Variants in ITFG1 observed in about 807,000 individuals in gnomAD.
ITFG1 encodes T-cell immunomodulatory protein.
A neutral mutation model predicts 81.8 loss-of-function variants in ITFG1; 34 were observed. The observed-to-expected ratio is 0.42, with a 90% CI of 0.32 to 0.55. ITFG1 has a LOEUF of 0.55. Among genes scored for constraint, ITFG1 ranks in the 20% least tolerant of loss-of-function variants. ITFG1 has a pLI of 0.17. For synonymous variants in ITFG1, 285 were observed against 270.6 expected (o/e 1.05, Z -0.52); for missense variants, 672 against 755.4 (o/e 0.89, Z 1.29).
At chr16:47,186,980 G>C (rs966502949) in intron 14 of ITFG1, among the ~76,000 whole-genome samples, 1 of 152,060 alleles carries the variant, frequency 6.6e-6, no homozygotes, top group Admixed American at 6.5e-5. Flanking sequence ...GACAAACAGA[G>C]AGCCAAATCA....
chr16:47,238,706 TAAAG>T, intron 12 of ITFG1, among the ~76,000 whole-genome samples: 1 of 152,286 alleles, frequency 6.6e-6, no homozygotes, highest in East Asian at 1.9e-4. Flanking sequence ...TGTTATAAGA[TAAAG>T]AAAGAGAGCT....
At chr16:47,412,016 T>C (rs978063744) in intron 6 of ITFG1, among the ~76,000 whole-genome samples, 1 of 152,128 alleles carries the variant, frequency 6.6e-6, no homozygotes, top group African/African-American at 2.4e-5. Context: ...GTACAGAGCT[T>C]TGGACCTCAG....
chr16:47,174,796 A>C (rs935387926), intron 14 of ITFG1, among the ~76,000 whole-genome samples: 8 of 152,226 alleles, frequency 5.3e-5, no homozygotes. Context: ...CTGGGATTAC[A>C]GGCATGAGCC....
chr16:47,294,370 ATGT>A (rs1282999809), intron 10 of ITFG1, among the ~76,000 whole-genome samples: 1 of 151,954 alleles, frequency 6.6e-6, no homozygotes, highest in Non-Finnish European at 1.5e-5. Flanking sequence ...AAATTTTAGG[ATGT>A]TTTTTCTAAT....
chr16:47,331,170 G>A (rs893943367), intron 8 of ITFG1, among the ~76,000 whole-genome samples: 1 of 152,094 alleles, frequency 6.6e-6, no homozygotes, highest in African/African-American at 2.4e-5. Context: ...CTGCAGCAGC[G>A]TAAATGCAGC....
At chr16:47,336,970 GAA>G (rs1445973725) in intron 8 of ITFG1, among the ~76,000 whole-genome samples, 3 of 99,708 alleles carry the variant, frequency 3.0e-5, no homozygotes, top group Non-Finnish European at 4.3e-5. Flanking sequence ...CTCAAAAAAA[GAA>G]AAAAAAAAAA....
At chr16:47,382,341 G>A (rs1270730772) in intron 6 of ITFG1, among the ~76,000 whole-genome samples, 2 of 152,150 alleles carry the variant, frequency 1.3e-5, no homozygotes, top group Non-Finnish European at 2.9e-5. Context: ...TATCAGAAAC[G>A]TGCTTGAATT....
At chr16:47,410,209 G>T (rs1968792353) in intron 6 of ITFG1, among the ~76,000 whole-genome samples, 1 of 152,134 alleles carries the variant, frequency 6.6e-6, no homozygotes, top group South Asian at 2.1e-4. Flanking sequence ...AGCCCAGGAG[G>T]TTGAGGCTCC....
intron 12 of ITFG1, among the ~76,000 whole-genome samples, chr16:47,254,196 T>C (rs537315861): frequency 6.6e-6 from 1 of 152,118 alleles, no homozygotes; most frequent in Non-Finnish European, 1.5e-5. Context: ...TTTTGAGATT[T>C]TCCCCATCTC....
intron 10 of ITFG1, among the ~76,000 whole-genome samples, chr16:47,277,124 C>T (rs1966405790): frequency 6.6e-6 from 1 of 152,152 alleles, no homozygotes; most frequent in Non-Finnish European, 1.5e-5. Context: ...GTTATCATTA[C>T]TATTGTGGCA....
chr16:47,269,221 C>A (rs1271855408), intron 10 of ITFG1, among the ~76,000 whole-genome samples: 1 of 152,084 alleles, frequency 6.6e-6, no homozygotes, highest in Non-Finnish European at 1.5e-5. Flanking sequence ...GTAAAACTGT[C>A]TTTATTTGCA....
At chr16:47,339,575 A>T (rs1967753514) in intron 8 of ITFG1, among the ~76,000 whole-genome samples, 1 of 152,340 alleles carries the variant, frequency 6.6e-6, no homozygotes, top group South Asian at 2.1e-4. Flanking sequence ...GTATAACTGA[A>T]ATATAAAGTT....
At chr16:47,285,107 A>G (rs1247553640) in intron 10 of ITFG1, among the ~76,000 whole-genome samples, 1 of 152,128 alleles carries the variant, frequency 6.6e-6, no homozygotes, top group African/African-American at 2.4e-5. Flanking sequence ...TGGGTGTGTT[A>G]GGCCTCAGAG....
chr16:47,184,365 G>A (rs1965180800), intron 14 of ITFG1, among the ~76,000 whole-genome samples: 1 of 152,136 alleles, frequency 6.6e-6, no homozygotes, highest in South Asian at 2.1e-4. Context: ...AAAATGTTAA[G>A]GGCAGCCAGA....
At chr16:47,425,130 G>A (rs544035988) in intron 6 of ITFG1, among the ~76,000 whole-genome samples, 2 of 152,128 alleles carry the variant, frequency 1.3e-5, no homozygotes, top group African/African-American at 2.4e-5. Context: ...TACACTGTAA[G>A]CTACTCAAGC....
chr16:47,370,286 GTGAGAACT>G (rs1968235204), intron 7 of ITFG1, among the ~76,000 whole-genome samples: 1 of 152,152 alleles, frequency 6.6e-6, no homozygotes, highest in Non-Finnish European at 1.5e-5. Flanking sequence ...CCCGACCAGA[GTGAGAACT>G]TCCTTGATGC....
intron 8 of ITFG1, among the ~76,000 whole-genome samples, chr16:47,353,404 C>G (rs1001058908): frequency 6.6e-6 from 1 of 151,798 alleles, no homozygotes; most frequent in African/African-American, 2.4e-5. Flanking sequence ...TACCTCAACA[C>G]AATAAAAACC....
chr16:47,447,143 C>A (rs1969334659), intron 5 of ITFG1, among the ~76,000 whole-genome samples: 1 of 152,168 alleles, frequency 6.6e-6, no homozygotes, highest in Admixed American at 6.5e-5. Flanking sequence ...GTTGGGATTA[C>A]TGGCATGAGT....
At chr16:47,304,825 C>T (rs1967132166) in intron 10 of ITFG1, among the ~76,000 whole-genome samples, 1 of 152,104 alleles carries the variant, frequency 6.6e-6, no homozygotes, top group South Asian at 2.1e-4. Context: ...AAGAGGACTG[C>T]TACTATTCCT....
Sources: allele counts gnomAD v4.1 joint callset (sites outside exome capture counted in the v4.1 genomes callset), GRCh38; gene constraint gnomAD v4.1.1; transcripts MANE v1.5; gene names NCBI Gene and HGNC (gene_info 2026-07-23, HGNC 2026-07-21).